METTL16: variants seen among roughly 807,000 people sequenced by gnomAD.
METTL16 encodes RNA N(6)-adenosine-methyltransferase METTL16.
METTL16 carries 19 observed loss-of-function variants against 57.9 expected under a neutral mutation model. That is an observed-to-expected ratio of 0.33 (90% CI 0.23 to 0.48). The LOEUF (loss-of-function observed/expected upper bound fraction) is 0.48. Among genes scored for constraint, METTL16 ranks in the 20% least tolerant of loss-of-function variants. METTL16 has a pLI of 0.99. For synonymous variants in METTL16, 246 were observed against 255.6 expected (o/e 0.96, Z 0.36); for missense variants, 434 against 691.5 (o/e 0.63, Z 4.18).
chr17:2,444,451 A>G (rs77374344), intron 6 of METTL16, among the ~76,000 whole-genome samples: 2 of 152,210 alleles, frequency 1.3e-5, no homozygotes, highest in Non-Finnish European at 2.9e-5. Context: ...CTCTGTCTCA[A>G]AATAAAATAA....
intron 2 of METTL16, among the ~76,000 whole-genome samples, chr17:2,493,169 A>T (rs1326437944): frequency 6.8e-6 from 1 of 147,812 alleles, no homozygotes; most frequent in East Asian, 2.1e-4. Context: ...GCTCACTGCA[A>T]GCTCCGCCTC....
intron 6 of METTL16, among the ~76,000 whole-genome samples, chr17:2,457,722 A>G (rs1033557291): frequency 6.6e-6 from 1 of 152,066 alleles, no homozygotes; most frequent in Non-Finnish European, 1.5e-5. Flanking sequence ...AAAAAAAAAA[A>G]AAGAGTTAAA....
chr17:2,421,912 C>T (rs921973088), intron 8 of METTL16, among the ~76,000 whole-genome samples: 4 of 152,116 alleles, frequency 2.6e-5, no homozygotes, highest in African/African-American at 7.2e-5. Flanking sequence ...GACTGGATTT[C>T]AAAGCTGGTT....
chr17:2,450,146 A>G (rs1172337462), intron 6 of METTL16, among the ~76,000 whole-genome samples: 1 of 152,218 alleles, frequency 6.6e-6, no homozygotes, highest in Non-Finnish European at 1.5e-5. Context: ...ATGGAGGAAA[A>G]TTTAATTAGA....
At chr17:2,430,650 C>T (rs1205565858) in intron 8 of METTL16, among the ~76,000 whole-genome samples, 1 of 151,982 alleles carries the variant, frequency 6.6e-6, no homozygotes, top group African/African-American at 2.4e-5. Context: ...GATCTCCTGA[C>T]CTCGCGATCC....
intron 4 of METTL16, among the ~76,000 whole-genome samples, chr17:2,469,096 GTGTGGTGGTGGGCACCTA>G (rs1049471222): frequency 6.6e-6 from 1 of 152,036 alleles, no homozygotes; most frequent in Admixed American, 6.6e-5. Context: ...ACTTAGACGG[GTGTGGTGGTGGGCACCTA>G]CAATCCCAGC....
At chr17:2,481,895 G>C (rs1185398028) in intron 2 of METTL16, among the ~76,000 whole-genome samples, 2 of 151,978 alleles carry the variant, frequency 1.3e-5, no homozygotes, top group African/African-American at 2.4e-5. Context: ...AGGCAAGTAA[G>C]CTAAACAATT....
intron 5 of METTL16, among the ~76,000 whole-genome samples, chr17:2,466,943 C>A (rs568776634): frequency 5.9e-5 from 9 of 152,224 alleles, no homozygotes; most frequent in African/African-American, 2.2e-4. Context: ...GCTGGGTCTA[C>A]AGGCACACGC....
intron 6 of METTL16, among the ~76,000 whole-genome samples, chr17:2,455,906 T>G (rs767698495): frequency 6.6e-6 from 1 of 151,948 alleles, no homozygotes; most frequent in Non-Finnish European, 1.5e-5. Context: ...TTGCTTGAGC[T>G]CAGAAGGTGA....
chr17:2,467,004 C>T (rs917728497), intron 5 of METTL16, among the ~76,000 whole-genome samples: 7 of 151,986 alleles, frequency 4.6e-5, no homozygotes, highest in Non-Finnish European at 1.0e-4. Context: ...CAGGGCTTCA[C>T]CACGTTGCCC....
Position 2,441,531 on chromosome 17 carries a change from A to G in METTL16, c.757T>C (p.Cys253Arg). ...RWYSCMLGKK[C>R]SLAPLKEELR... ...TCCTCCTTCAGAGGCGCCAGGCTGC[A>G]TTTCTTTCCCAGCATGCAGCTATAC... Residue 253 changes from cysteine (C) to arginine (R), a missense_variant, in exon 7 of 10, where the codon TGC (cysteine) becomes CGC (arginine). By Grantham distance (180) the Cys-to-Arg change is radical. This residue lies in a region of METTL16 where 96 missense variants were observed against 138.3 expected (regional missense o/e 0.69). Transcript: ENST00000263092. 1 of 1,597,728 alleles carries G rather than the reference A, an allele frequency of 6.3e-7. No homozygotes were observed.
At chr17:2,476,739 T>C (rs1005561464) in intron 3 of METTL16, among the ~76,000 whole-genome samples, 4 of 152,108 alleles carry the variant, frequency 2.6e-5, no homozygotes, top group African/African-American at 9.7e-5. Context: ...GCGGATCACC[T>C]GACGTCAGGA....
At chr17:2,458,493 T>G (rs2067126800) in intron 6 of METTL16, among the ~76,000 whole-genome samples, 1 of 151,840 alleles carries the variant, frequency 6.6e-6, no homozygotes, top group Non-Finnish European at 1.5e-5. Context: ...GGGCAGATCA[T>G]TTGAGCTCAA....
chr17:2,505,505 T>A lies in METTL16; in HGVS notation c.1-3174A>T, dbSNP rs1316866775. 5.8e-5 allele frequency among the ~76,000 whole-genome samples: 8 copies of A among 138,758 alleles called. No individual in the cohort carries two copies. The Admixed American group carries it at 6.4e-4, about 11-fold the overall frequency. 91.0% of individuals were successfully genotyped at this position (138,758 alleles called of 152,430 possible). ...CTCAAGCAATCCTGCCACCTCAGCCTCCCAAAGTGCTAGGATTATAGTTGT... is the reference window on the plus strand; with the variant it reads ...CTCAAGCAATCCTGCCACCTCAGCCACCCAAAGTGCTAGGATTATAGTTGT... On this transcript the variant is annotated intron_variant, in intron 1 of 9. Transcript: ENST00000263092.
At chr17:2,506,441 A>C (rs1269438157) in intron 1 of METTL16, among the ~76,000 whole-genome samples, 1 of 151,592 alleles carries the variant, frequency 6.6e-6, no homozygotes, top group African/African-American at 2.4e-5. Flanking sequence ...GCACGCCGCC[A>C]CGCCTGACTG....
chr17:2,457,481 C>CTAATTATTTT (rs2067119908), intron 6 of METTL16, among the ~76,000 whole-genome samples: 1 of 151,714 alleles, frequency 6.6e-6, no homozygotes, highest in African/African-American at 2.4e-5. Flanking sequence ...CCGAGGCAGG[C>CTAATTATTTT]GGATAACCTG....
chr17:2,437,478 C>T (rs1421626542), intron 8 of METTL16, among the ~76,000 whole-genome samples: 2 of 152,074 alleles, frequency 1.3e-5, no homozygotes, highest in African/African-American at 2.4e-5. Flanking sequence ...TGTCCACCAG[C>T]GTAATTATAT....
chr17:2,469,044 G>A (rs1475445421), intron 4 of METTL16, among the ~76,000 whole-genome samples: 2 of 151,834 alleles, frequency 1.3e-5, no homozygotes, highest in Non-Finnish European at 2.9e-5. Flanking sequence ...AGACCTGCCT[G>A]GCCAACATGG....
chr17:2,502,185 T>C lies in METTL16; in HGVS notation c.128+19A>G. On this transcript the variant is annotated intron_variant, in intron 2 of 9. Coordinates refer to ENST00000263092, the MANE Select transcript of METTL16 (RefSeq NM_024086.4). ...TTGAATCACACAAGAATAACAGTGA[T>C]TTTTCATCCGTTACCTACCTCACTC... 6.2e-7 allele frequency: 1 copy of C among 1,610,928 alleles called. No individual in the cohort carries two copies. Among genetic ancestry groups the C allele is most frequent in the South Asian group, 1.1e-5 (1 of 90,822 alleles).
Sources: allele counts gnomAD v4.1 joint callset (sites outside exome capture counted in the v4.1 genomes callset), GRCh38; gene constraint gnomAD v4.1.1; regional missense constraint gnomAD v4.1.1; transcripts MANE v1.5; gene names NCBI Gene and HGNC (gene_info 2026-07-23, HGNC 2026-07-21).